Variants in FBXO32 observed in about 807,000 individuals in gnomAD.
FBXO32 encodes F-box only protein 32.
Under a neutral mutation model 48.3 loss-of-function variants are expected in FBXO32, and 15 were observed. The ratio of observed to expected loss-of-function variants is 0.31; its 90% confidence interval spans 0.21 to 0.48. FBXO32 has a LOEUF of 0.48. Among genes scored for constraint, FBXO32 ranks in the 20% least tolerant of loss-of-function variants. The pLI is 0.99. For missense variants in FBXO32, 309 were observed against 432.7 expected (o/e 0.71, Z 2.54); for synonymous variants, 154 against 165.9 (o/e 0.93, Z 0.55).
At chr8:123,526,091 C>G (rs1817068295) in intron 4 of FBXO32, among the ~76,000 whole-genome samples, 1 of 152,150 alleles carries the variant, frequency 6.6e-6, no homozygotes, top group Admixed American at 6.5e-5. Flanking sequence ...TCATAAACTG[C>G]TTATCTCATT....
At position 123,506,577 on chromosome 8, in the gene FBXO32, G is replaced by GA; in HGVS notation, c.652-4_652-3insT. Reference sequence around the variant, plus strand: ...AAGGTGAGGCCTTTGAAGGCAGGCTGCAGAGAGAAGGGTGACAATAGGTGG... The same window carrying GA: ...AAGGTGAGGCCTTTGAAGGCAGGCTGACAGAGAGAAGGGTGACAATAGGTGG... On this transcript the variant is annotated splice_polypyrimidine_tract_variant and splice_region_variant and intron_variant, in intron 6 of 8. Transcript: ENST00000517956. This position sits in a 1 kb window ranked among gnomAD's most constrained non-coding sequence, Gnocchi z 4.0. 1 of 1,583,360 alleles carries GA rather than the reference G, an allele frequency of 6.3e-7. No homozygotes were observed. Among genetic ancestry groups the GA allele is most frequent in the Middle Eastern group, 1.7e-4 (1 of 5,934 alleles).
At chr8:123,530,536 A>G (rs1563926184) in intron 4 of FBXO32, among the ~76,000 whole-genome samples, 1 of 152,238 alleles carries the variant, frequency 6.6e-6, no homozygotes, top group East Asian at 1.9e-4. Context: ...GAACAAAATA[A>G]TAAACCAATT....
rs980967828 is a variant in FBXO32, at chr8:123,497,986, A to T, written c.*5387T>A. 2 of 152,380 alleles carry T rather than the reference A, an allele frequency of 1.3e-5. No homozygotes were observed. The highest frequency in any genetic ancestry group is 4.1e-4 in the South Asian group (2 of 4,832). 9.4% of individuals were successfully genotyped at this position (152,380 alleles called of 1,614,324 possible). A position where few individuals can be genotyped will look rare whatever the true frequency, so the allele number is the denominator to read the frequency against. ...AACAACTATAAAAAATCAGTTCATC[A>T]TGCAAGAAAAGTGTGCAAATAATTT... On this transcript the variant is annotated 3_prime_UTR_variant, in exon 9 of 9. Coordinates refer to ENST00000517956, the MANE Select transcript of FBXO32 (RefSeq NM_058229.4).
At chr8:123,528,101 G>A (rs1472799444) in intron 4 of FBXO32, among the ~76,000 whole-genome samples, 6 of 152,222 alleles carry the variant, frequency 3.9e-5, no homozygotes, top group Non-Finnish European at 7.3e-5. Flanking sequence ...TATTTTAAAA[G>A]TAGCAATGCC....
Position 123,506,254 on chromosome 8 carries a change from C to A in FBXO32, c.834+138G>T. The A allele has an allele frequency of 1.1e-6, 1 of 948,460 alleles. No individual in the cohort carries two copies. Among genetic ancestry groups the A allele is most frequent in the South Asian group, 1.6e-5 (1 of 60,646 alleles). 58.8% of individuals were successfully genotyped at this position (948,460 alleles called of 1,614,324 possible). On this transcript the variant is annotated intron_variant, in intron 7 of 8. Coordinates refer to ENST00000517956, the MANE Select transcript of FBXO32 (RefSeq NM_058229.4). This position sits in a 1 kb window ranked among gnomAD's most constrained non-coding sequence, Gnocchi z 4.0. ...AAAAAACAAAATCACAAAACTCCTT[C>A]AACTGTCATTTTTCAGTCAAACCAG...
Position 123,540,528 on chromosome 8 carries a change from C to A in FBXO32, c.116+371G>T, listed in dbSNP as rs561180786. Among the ~76,000 whole-genome samples, 5 of 152,242 alleles carry A rather than the reference C, an allele frequency of 3.3e-5. No homozygotes were observed. Among genetic ancestry groups the A allele is most frequent in the African/African-American group, 7.2e-5 (3 of 41,474 alleles). On this transcript the variant is annotated intron_variant, in intron 1 of 8. Coordinates refer to ENST00000517956, the MANE Select transcript of FBXO32 (RefSeq NM_058229.4). This position sits in a 1 kb window ranked among gnomAD's most constrained non-coding sequence, Gnocchi z 6.4. ...GGCTCAGCCCACCCGCCCGCGCCCC[C>A]ACATGGGCAAAGTGCGCGACTCCGG...
At chr8:123,515,755 A>C (rs1047115851) in intron 4 of FBXO32, among the ~76,000 whole-genome samples, 4 of 152,052 alleles carry the variant, frequency 2.6e-5, no homozygotes, top group African/African-American at 4.8e-5. Context: ...GCACTTTGGG[A>C]GGCCAAGGCA....
chr8:123,533,751 T>C lies in FBXO32; in HGVS notation c.230-511A>G, dbSNP rs1416985133. Among the ~76,000 whole-genome samples, 4 of 152,112 alleles carry C rather than the reference T, an allele frequency of 2.6e-5. No individual in the cohort carries two copies. The South Asian group carries it at 6.2e-4, about 24-fold the overall frequency. On this transcript the variant is annotated intron_variant, in intron 2 of 8. Coordinates refer to ENST00000517956, the MANE Select transcript of FBXO32 (RefSeq NM_058229.4). ...TGAACCCGGGAGGCAGAGGTTGCAG[T>C]GAGCCAAGATTGTGCCACTGCACTC... is the stretch of plus-strand genomic sequence containing the variant.
At position 123,506,041 on chromosome 8, in the gene FBXO32, TAGAG is replaced by T. The variant is rs1386340739; in HGVS notation, c.834+347_834+350del. 1.3e-5 allele frequency among the ~76,000 whole-genome samples: 2 copies of T among 151,718 alleles called. No individual in the cohort carries two copies. The highest frequency in any genetic ancestry group is 2.9e-5 in the Non-Finnish European group (2 of 67,934). On this transcript the variant is annotated intron_variant, in intron 7 of 8. Transcript: ENST00000517956. The surrounding 1 kb of genome is among the most constrained non-coding windows in gnomAD (Gnocchi z 4.0). ...GAGTTTGAGGTCAGCCTGGGCAACA[TAGAG>T]AGACCCTATTTCTACAAAAACAATA... is the stretch of plus-strand genomic sequence containing the variant.
rs1816785116 is a variant in FBXO32 at position 123,513,903 on chromosome 8, CT to C, written c.466+336del. On this transcript the variant is annotated intron_variant, in intron 5 of 8. Transcript: ENST00000517956. This position sits in a 1 kb window ranked among gnomAD's most constrained non-coding sequence, Gnocchi z 4.3. ...CGAATAGTCTACGAATCTATTCTGA[CT>C]TTGTACACATGTCGATTTTCTAGGA... 1 of 251,072 alleles carries C rather than the reference CT, an allele frequency of 4.0e-6. No individual in the cohort carries two copies. The highest frequency in any genetic ancestry group is 2.2e-5 in the African/African-American group (1 of 44,808). 15.6% of individuals were successfully genotyped at this position (251,072 alleles called of 1,614,324 possible).
intron 8 of FBXO32, 49 bp downstream of exon 8, chr8:123,504,555 C>T (rs200085500): frequency 1.1e-5 from 17 of 1,488,704 alleles, no homozygotes; most frequent in African/African-American, 7.1e-5. Context: ...ACTCTTGGCT[C>T]TTAGGGGCTG....
At chr8:123,536,700 G>A (rs1211587737) in intron 1 of FBXO32, among the ~76,000 whole-genome samples, 1 of 152,192 alleles carries the variant, frequency 6.6e-6, no homozygotes, top group Non-Finnish European at 1.5e-5. Context: ...TCCACATGTA[G>A]AGAATCATAA....
At chr8:123,507,314 A>G (rs1018673483) in intron 6 of FBXO32, among the ~76,000 whole-genome samples, 1 of 152,140 alleles carries the variant, frequency 6.6e-6, no homozygotes, top group Admixed American at 6.5e-5. Context: ...TTTTTTCACT[A>G]CTGTGTCCAG....
chr8:123,509,124 C>A (rs908870315), intron 6 of FBXO32, among the ~76,000 whole-genome samples: 1 of 151,964 alleles, frequency 6.6e-6, no homozygotes, highest in African/African-American at 2.4e-5. Context: ...TTCCTTCATT[C>A]TTTATTATAT....
At chr8:123,518,687 C>A (rs1436747379) in intron 4 of FBXO32, among the ~76,000 whole-genome samples, 1 of 152,200 alleles carries the variant, frequency 6.6e-6, no homozygotes, top group African/African-American at 2.4e-5. Context: ...TCTTTTACAG[C>A]AACCCAGTGA....
intron 8 of FBXO32, among the ~76,000 whole-genome samples, chr8:123,504,188 G>T (rs1816562446): frequency 6.6e-6 from 1 of 152,050 alleles, no homozygotes; most frequent in African/African-American, 2.4e-5. Context: ...GGTTATGAAT[G>T]TGTCAAAGTA....
chr8:123,506,318 G>T lies in FBXO32; in HGVS notation c.834+74C>A. ...GGGGGAACCCAGACCTCAGGCTTGA[G>T]CAGGGCACCAAGGAAGTTTGGGGTG... On this transcript the variant is annotated intron_variant, in intron 7 of 8. Transcript: ENST00000517956. This position sits in a 1 kb window ranked among gnomAD's most constrained non-coding sequence, Gnocchi z 4.0. 1 of 1,503,052 alleles carries T rather than the reference G, an allele frequency of 6.7e-7. No individual in the cohort carries two copies. The highest frequency in any genetic ancestry group is 9.2e-7 in the Non-Finnish European group (1 of 1,092,596). The allele number at this position is 1,503,052 out of a possible 1,614,324, so 93.1% of individuals were successfully genotyped here. A position where few individuals can be genotyped will look rare whatever the true frequency, so the allele number is the denominator to read the frequency against.
chr8:123,521,109 A>AT (rs751578517), intron 4 of FBXO32, among the ~76,000 whole-genome samples: 5 of 152,116 alleles, frequency 3.3e-5, no homozygotes, highest in Non-Finnish European at 5.9e-5. Context: ...ATTGTTCTTC[A>AT]TTGTTGCATT....
intron 4 of FBXO32, 24 bp from the exon 5 acceptor site, chr8:123,514,357 C>T (rs202028034): frequency 7.0e-5 from 111 of 1,594,568 alleles, no homozygotes; most frequent in Non-Finnish European, 7.0e-5. Flanking sequence ...TAGAAGTTGC[C>T]AGGCTTAGAG....
Sources: allele counts gnomAD v4.1 joint callset (sites outside exome capture counted in the v4.1 genomes callset), GRCh38; gene constraint gnomAD v4.1.1; non-coding constraint Gnocchi (gnomAD v3.1); transcripts MANE v1.5; gene names NCBI Gene and HGNC (gene_info 2026-07-23, HGNC 2026-07-21).